TBC1D9B: variants seen among roughly 807,000 people sequenced by gnomAD.
TBC1D9B encodes the protein TBC1 domain family, member 9B (with GRAM domain).
Under a neutral mutation model 121.1 loss-of-function variants are expected in TBC1D9B, and 87 were observed. The ratio of observed to expected loss-of-function variants is 0.72; its 90% CI spans 0.60 to 0.86. The LOEUF (loss-of-function observed/expected upper bound fraction) is 0.86. Among genes scored for constraint, TBC1D9B ranks in the 40% least tolerant of loss-of-function variants. The pLI, the probability that TBC1D9B is intolerant of heterozygous loss-of-function variation, is 0.00. For synonymous variants in TBC1D9B, 668 were observed against 670.1 expected (o/e 1.00, Z 0.05); for missense variants, 1,540 against 1,628.6 (o/e 0.95, Z 0.94).
chr5:179,882,309 T>G (rs1442624124), intron 7 of TBC1D9B, among the ~76,000 whole-genome samples: 1 of 152,156 alleles, frequency 6.6e-6, no homozygotes, highest in Non-Finnish European at 1.5e-5. Flanking sequence ...ATTATAACAT[T>G]TATATACTGT....
chr5:179,872,560 G>A (rs1055987682), intron 14 of TBC1D9B: 8 of 340,276 alleles, frequency 2.4e-5, no homozygotes, highest in Admixed American at 8.7e-5. Flanking sequence ...GGAGGATGGC[G>A]GCATGTTGCT....
intron 2 of TBC1D9B, among the ~76,000 whole-genome samples, chr5:179,900,312 G>A (rs1582105650): frequency 6.6e-6 from 1 of 152,224 alleles, no homozygotes; most frequent in African/African-American, 2.4e-5. Context: ...CCCGGGGGAA[G>A]AGCAAAGGGA....
chr5:179,867,159 A>G (rs1233344596), intron 18 of TBC1D9B: 5 of 356,088 alleles, frequency 1.4e-5, no homozygotes, highest in Admixed American at 4.0e-5. Context: ...AGCATTTTGT[A>G]TTTGTTTCCT....
intron 7 of TBC1D9B, among the ~76,000 whole-genome samples, chr5:179,881,945 C>CTTTTTTTTTTTTTTTTTTT (rs1561640797): frequency 6.5e-5 from 9 of 139,272 alleles, no homozygotes; most frequent in African/African-American, 2.6e-4. Flanking sequence ...ATATACCTTC[C>CTTTTTTTTTTTTTTTTTTT]GTTTTTTTTT....
chr5:179,867,545 A>C (rs1175650570), intron 18 of TBC1D9B: 1 of 1,548,182 alleles, frequency 6.5e-7, no homozygotes, highest in Admixed American at 2.0e-5. Flanking sequence ...GGGAGGAGCC[A>C]AGGTCCAGGA....
chr5:179,867,000 C>T (rs1170905626), intron 18 of TBC1D9B: 1 of 170,866 alleles, frequency 5.9e-6, no homozygotes, highest in African/African-American at 2.4e-5. Context: ...AAACATAGCA[C>T]AGGGATGAGT....
chr5:179,864,216 G>C (rs1338898177), intron 20 of TBC1D9B, 88 bp from the exon 21 acceptor site: 2 of 1,328,764 alleles, frequency 1.5e-6, no homozygotes, highest in African/African-American at 3.0e-5. Context: ...ACAAGCACCA[G>C]CCTAAGGATG....
At position 179,874,880 on chromosome 5, in the gene TBC1D9B, G is replaced by A. The variant is rs1394371469; in HGVS notation, c.2186+22C>T. ...GGGTTCTGCTGTGAGCCCCCAGCAG[G>A]AGAAGGAACCCGGCATGTCACCTGC... On this transcript the variant is annotated intron_variant, in intron 12 of 20. Coordinates refer to ENST00000355235, the MANE Select transcript of TBC1D9B (RefSeq NM_015043.4). The surrounding 1 kb of genome is among the most constrained non-coding windows in gnomAD (Gnocchi z 4.3). The A allele has an allele frequency of 3.7e-6, 6 of 1,609,032 alleles. 1 individual carries two copies. In the African/African-American group the frequency reaches 6.7e-5, roughly 18 times the overall value.
In TBC1D9B at chr5:179,875,917, C is replaced by T; in HGVS notation, c.1900+3G>A. 1 of 1,601,468 alleles carries T rather than the reference C, an allele frequency of 6.2e-7. No individual in the cohort carries two copies. The highest frequency in any genetic ancestry group is 2.3e-5 in the East Asian group (1 of 44,288). ...AGGCGAGGCAGCACCCGGGGACACTCACCCACCACCCTGGTGTTGTAGTAG... is the reference window on the plus strand; with the variant it reads ...AGGCGAGGCAGCACCCGGGGACACTTACCCACCACCCTGGTGTTGTAGTAG... On this transcript the variant is annotated splice_donor_region_variant and intron_variant, in intron 11 of 20. Coordinates refer to ENST00000355235, the MANE Select transcript of TBC1D9B (RefSeq NM_015043.4). This position sits in a 1 kb window ranked among gnomAD's most constrained non-coding sequence, Gnocchi z 4.5.
chr5:179,866,006 T>TG, intron 18 of TBC1D9B, 118 bp from the exon 19 acceptor site: 1 of 1,300,244 alleles, frequency 7.7e-7, no homozygotes, highest in Non-Finnish European at 1.1e-6. Flanking sequence ...GGCCAGGCCC[T>TG]GGGGAGCAGG....
At chr5:179,869,061 C>T (rs939073474) in intron 17 of TBC1D9B, 1 of 157,838 alleles carries the variant, frequency 6.3e-6, no homozygotes, top group African/African-American at 2.4e-5. Flanking sequence ...TGAGAATCTC[C>T]TCGGGTGAAG....
chr5:179,872,778 C>A, intron 14 of TBC1D9B, 114 bp downstream of exon 14: 3 of 991,230 alleles, frequency 3.0e-6, no homozygotes, highest in Non-Finnish European at 3.1e-6. Flanking sequence ...GATGTACATA[C>A]CAAAGCAGTG....
rs1302329815 is a variant in TBC1D9B at position 179,865,740 on chromosome 5, G to A, written c.2914+98C>T. On this transcript the variant is annotated intron_variant, in intron 19 of 20. Coordinates refer to ENST00000355235, the MANE Select transcript of TBC1D9B (RefSeq NM_015043.4). This position sits in a 1 kb window ranked among gnomAD's most constrained non-coding sequence, Gnocchi z 5.1. ...GGGGGACGCATCCGCCATCTCCCGG[G>A]GTAGGGGGCTCCCTGGCAGTGACTG... 3.4e-5 allele frequency: 46 copies of A among 1,370,576 alleles called. 2 individuals are homozygous for A. In the East Asian group the frequency reaches 1.0e-3, roughly 31 times the overall value. The allele number at this position is 1,370,576 out of a possible 1,614,324, so 84.9% of individuals were successfully genotyped here. A position where few individuals can be genotyped will look rare whatever the true frequency, so the allele number is the denominator to read the frequency against.
intron 18 of TBC1D9B, 147 bp from the exon 19 acceptor site, chr5:179,866,035 C>T (rs530097226): frequency 2.2e-6 from 2 of 889,810 alleles, no homozygotes; most frequent in Non-Finnish European, 3.5e-6. Flanking sequence ...GCCACACCTC[C>T]TGCCTGGCCC....
At chr5:179,883,427 C>T (rs368122) in intron 7 of TBC1D9B, among the ~76,000 whole-genome samples, 1 of 152,132 alleles carries the variant, frequency 6.6e-6, no homozygotes, top group South Asian at 2.1e-4. Flanking sequence ...AACTTCTTCT[C>T]TATTTGTTTG....
At chr5:179,879,411 G>T in intron 8 of TBC1D9B, 1 of 1,020,024 alleles carries the variant, frequency 9.8e-7, no homozygotes. Flanking sequence ...CCCTTCAGAG[G>T]CCTGGAGTCC....
chr5:179,869,337 C>G (rs939544947), intron 17 of TBC1D9B: 3 of 360,340 alleles, frequency 8.3e-6, no homozygotes, highest in Admixed American at 3.6e-5. Flanking sequence ...GGCTACAGCA[C>G]CACTGAGAGG....
chr5:179,899,698 C>T (rs1761116691), intron 2 of TBC1D9B, among the ~76,000 whole-genome samples: 1 of 152,174 alleles, frequency 6.6e-6, no homozygotes. Context: ...ATTAATCAGA[C>T]ACAGTCATAC....
At chr5:179,870,111 C>A (rs943710639) in intron 16 of TBC1D9B, 144 bp downstream of exon 16, 17 of 1,395,882 alleles carry the variant, frequency 1.2e-5, no homozygotes, top group Non-Finnish European at 1.5e-5. Flanking sequence ...CGTGGGTAAA[C>A]TGTTCTTCCC....
Sources: gnomAD v4.1 joint callset for allele counts (sites outside exome capture counted in the v4.1 genomes callset) on GRCh38, gnomAD v4.1.1 for gene constraint, Gnocchi (gnomAD v3.1) non-coding constraint, MANE v1.5 for transcripts, NCBI Gene and HGNC (gene_info 2026-07-23, HGNC 2026-07-21) for gene names.